Variants in MPPED2 observed in about 807,000 individuals in gnomAD.
MPPED2 encodes the protein metallophosphoesterase domain containing 2.
A neutral mutation model predicts 33.0 loss-of-function variants in MPPED2; 5 were observed. That is an observed-to-expected ratio of 0.15 (90% CI 0.08 to 0.32). The LOEUF is 0.32. MPPED2 is among the 10% of genes least tolerant of loss of function. The probability of loss-of-function intolerance (pLI) is 1.00; values close to 1 mark genes in which losing one functional copy is unlikely to be tolerated. For synonymous variants in MPPED2, 136 were observed against 141.9 expected, an observed-to-expected ratio of 0.96 and a Z score of 0.29; for missense variants, 275 against 372.1, an observed-to-expected ratio of 0.74 and a Z score of 2.15.
At chr11:30,482,392 T>C (rs968655347) in intron 4 of MPPED2, among the ~76,000 whole-genome samples, 1 of 152,194 alleles carries the variant, frequency 6.6e-6, no homozygotes, top group Non-Finnish European at 1.5e-5. Context: ...GACAAAACCA[T>C]TCAAGGTGAA....
intron 4 of MPPED2, among the ~76,000 whole-genome samples, chr11:30,473,715 T>C (rs1384564746): frequency 1.3e-5 from 2 of 152,354 alleles, no homozygotes; most frequent in Admixed American, 1.3e-4. Context: ...GCTTTCCATC[T>C]TCCTGCATCT....
intron 4 of MPPED2, among the ~76,000 whole-genome samples, chr11:30,434,845 G>A (rs1296518399): frequency 7.0e-6 from 1 of 143,032 alleles, no homozygotes; most frequent in African/African-American, 2.4e-5. Context: ...AAGATATAAA[G>A]TGCTAATTTT....
exon 7 of MPPED2, chr11:30,388,065 C>T (rs1423065213): frequency 1.3e-5 from 2 of 152,354 alleles, no homozygotes; most frequent in Non-Finnish European, 1.5e-5. Context: ...TCAAGGCCCC[C>T]GTCGGCTGCC....
intron 3 of MPPED2, chr11:30,504,872 T>C (rs1237972154): frequency 1.7e-6 from 2 of 1,142,866 alleles, no homozygotes; most frequent in African/African-American, 1.6e-5. Context: ...ATTACAATAA[T>C]GTCAGGGCTG....
chr11:30,570,138 G>T (rs191867550), intron 2 of MPPED2, among the ~76,000 whole-genome samples: 35 of 152,214 alleles, frequency 2.3e-4, no homozygotes, highest in Admixed American at 9.2e-4. Context: ...GCTCATAAAA[G>T]ACATGCATTT....
chr11:30,416,480 G>C (rs762694529), intron 5 of MPPED2, among the ~76,000 whole-genome samples: 2 of 152,150 alleles, frequency 1.3e-5, no homozygotes, highest in Non-Finnish European at 2.9e-5. Context: ...GCAAAGGAGG[G>C]GGGTAACATG....
At chr11:30,473,314 C>T (rs1453790683) in intron 4 of MPPED2, among the ~76,000 whole-genome samples, 4 of 152,146 alleles carry the variant, frequency 2.6e-5, no homozygotes, top group South Asian at 2.1e-4. Flanking sequence ...CTAACAGTTT[C>T]GGTTTTGTCT....
At chr11:30,392,417 G>A (rs555280192) in intron 6 of MPPED2, among the ~76,000 whole-genome samples, 9 of 152,192 alleles carry the variant, frequency 5.9e-5, no homozygotes, top group Non-Finnish European at 1.2e-4. Context: ...GACCTTCGCA[G>A]ACAATAATTA....
intron 6 of MPPED2, among the ~76,000 whole-genome samples, chr11:30,400,763 T>TA (rs1947898108): frequency 1.7e-5 from 1 of 57,404 alleles, no homozygotes; most frequent in Admixed American, 1.6e-4. Flanking sequence ...TCATCAAACA[T>TA]TTTTTTTTTT....
At chr11:30,430,183 A>C (rs1949014673) in intron 4 of MPPED2, among the ~76,000 whole-genome samples, 1 of 152,230 alleles carries the variant, frequency 6.6e-6, no homozygotes, top group Non-Finnish European at 1.5e-5. Context: ...TTGGGCTTTT[A>C]AAAAGCAAAG....
At chr11:30,423,432 G>A (rs1167295582) in intron 4 of MPPED2, among the ~76,000 whole-genome samples, 3 of 152,210 alleles carry the variant, frequency 2.0e-5, no homozygotes, top group Admixed American at 1.3e-4. Flanking sequence ...TGGGGCAGCT[G>A]TGCTCGGATT....
rs528076710 is a variant in MPPED2 at position 30,576,356 on chromosome 11, A to T, written c.128+3890T>A. Among the ~76,000 whole-genome samples the T allele has an allele frequency of 4.3e-4, 66 of 152,298 alleles. 4 individuals carry two copies. The South Asian group carries it at 8.5e-3, about 20-fold the overall frequency. ...AAAGAACAAGTGCAGTGTAAGATTCAAGGGGTGTTAACAACAGAAGGCGCA... is the reference window on the plus strand; with the variant it reads ...AAAGAACAAGTGCAGTGTAAGATTCTAGGGGTGTTAACAACAGAAGGCGCA... On this transcript the variant is annotated intron_variant, in intron 2 of 6. Transcript: ENST00000358117.
intron 4 of MPPED2, among the ~76,000 whole-genome samples, chr11:30,490,295 G>C (rs1261832877): frequency 6.6e-6 from 1 of 151,964 alleles, no homozygotes; most frequent in Non-Finnish European, 1.5e-5. Context: ...CCACCTGCCT[G>C]ACAACAAAAA....
Position 30,400,057 on chromosome 11 carries a change from G to A in MPPED2, c.767-11101C>T, listed in dbSNP as rs562386306. On this transcript the variant is annotated intron_variant, in intron 6 of 6. Coordinates refer to the MPPED2 transcript ENST00000448418. The stretch of plus-strand genomic sequence containing the variant: ...GTGCAAGAAAGATTTTATGGCAGTC[G>A]AGAGATCAGGGTTATACAGCATATT... 5.9e-5 allele frequency among the ~76,000 whole-genome samples: 9 copies of A among 152,104 alleles called. No individual in the cohort carries two copies. The East Asian group carries it at 9.7e-4, about 16-fold the overall frequency.
In MPPED2 at chr11:30,399,109, AT is replaced by A. The variant is rs139196237; in HGVS notation, c.767-10154del. Among the ~76,000 whole-genome samples the A allele has an allele frequency of 4.0e-3, 603 of 152,230 alleles. 1 individual carries two copies. The highest frequency in any genetic ancestry group is 6.1e-3 in the Non-Finnish European group (418 of 68,002). On this transcript the variant is annotated intron_variant, in intron 6 of 6. Transcript: ENST00000448418. ...GAAAACATAATGTGACAAAACAGAT[AT>A]TGTCCTCTTTGACCTTGGCAGGATA...
At chr11:30,511,599 C>T (rs1453927952) in intron 3 of MPPED2, among the ~76,000 whole-genome samples, 1 of 151,970 alleles carries the variant, frequency 6.6e-6, no homozygotes, top group Non-Finnish European at 1.5e-5. Context: ...GCAGGAAATA[C>T]ATGCATGCAT....
At chr11:30,421,535 G>T (rs1196438315) in intron 4 of MPPED2, among the ~76,000 whole-genome samples, 1 of 151,270 alleles carries the variant, frequency 6.6e-6, no homozygotes, top group Non-Finnish European at 1.5e-5. Context: ...TTTTACGTAA[G>T]TTATTGGATT....
chr11:30,503,642 A>T (rs1952672385), intron 3 of MPPED2, among the ~76,000 whole-genome samples: 1 of 152,204 alleles, frequency 6.6e-6, no homozygotes, highest in Non-Finnish European at 1.5e-5. Flanking sequence ...AAAAGCAAAC[A>T]TGGCTTGTCA....
chr11:30,390,585 T>C lies in MPPED2; in HGVS notation c.767-1629A>G, dbSNP rs563313595. Among the ~76,000 whole-genome samples the C allele has an allele frequency of 6.1e-4, 93 of 152,278 alleles. 1 individual carries two copies. Among genetic ancestry groups the C allele is most frequent in the African/African-American group, 2.1e-3 (87 of 41,556 alleles). The stretch of plus-strand genomic sequence containing the variant: ...GGCGCTGAAATATGTCAACCAAGAG[T>C]GCACCCTTATGCTGCTCTGAACTTC... On this transcript the variant is annotated intron_variant, in intron 6 of 6. Transcript: ENST00000448418.
Sources: allele counts gnomAD v4.1 joint callset (sites outside exome capture counted in the v4.1 genomes callset), GRCh38; gene constraint gnomAD v4.1.1; transcripts MANE v1.5; gene names NCBI Gene and HGNC (gene_info 2026-07-23, HGNC 2026-07-21).